CSMD1: variants seen among roughly 807,000 people sequenced by gnomAD.
CSMD1 encodes the protein CUB and Sushi multiple domains 1, also known as CUB and sushi domain-containing protein 1.
Under a neutral mutation model 417.5 loss-of-function variants are expected in CSMD1, and 213 were observed. The ratio of observed to expected loss-of-function variants is 0.51; its 90% CI spans 0.46 to 0.57. The LOEUF is 0.57. Among genes scored for constraint, CSMD1 ranks in the 20% least tolerant of loss-of-function variants. The pLI is 0.00. For synonymous variants in CSMD1, 2,862 were observed against 1,736.8 expected (o/e 1.65, Z -16.11); for missense variants, 6,923 against 4,529.7 (o/e 1.53, Z -15.17).
At chr8:4,603,119 C>T (rs1008240845) in intron 2 of CSMD1, among the ~76,000 whole-genome samples, 8 of 151,766 alleles carry the variant, frequency 5.3e-5, no homozygotes, top group East Asian at 1.9e-4. Flanking sequence ...ATAGTTTTGG[C>T]TTGAATTTTT....
intron 4 of CSMD1, among the ~76,000 whole-genome samples, chr8:4,001,360 G>A (rs533269947): frequency 3.3e-5 from 5 of 152,150 alleles, no homozygotes; most frequent in Non-Finnish European, 7.4e-5. Context: ...GCAGCCATTA[G>A]CCCCCTGGTT....
At chr8:3,434,048 C>G (rs1273953732) in intron 12 of CSMD1, among the ~76,000 whole-genome samples, 1 of 152,250 alleles carries the variant, frequency 6.6e-6, no homozygotes, top group Admixed American at 6.5e-5. Context: ...CGCATCATTC[C>G]TGGCATTCTT....
chr8:3,805,192 A>G (rs1367027376), intron 5 of CSMD1, among the ~76,000 whole-genome samples: 1 of 152,168 alleles, frequency 6.6e-6, no homozygotes, highest in Non-Finnish European at 1.5e-5. Flanking sequence ...CAGGACTACA[A>G]CATGACAAGG....
rs1798825489 is a variant in CSMD1, at chr8:4,446,755, CTGT to C, written c.303-26693_303-26691del. Among the ~76,000 whole-genome samples the C allele has an allele frequency of 7.5e-5, 10 of 133,020 alleles. No individual in the cohort carries two copies. The South Asian group carries it at 1.5e-3, about 20-fold the overall frequency. 87.3% of individuals were successfully genotyped at this position (133,020 alleles called of 152,430 possible). A position where few individuals can be genotyped will look rare whatever the true frequency, so the allele number is the denominator to read the frequency against. ...TGTCTGTGTGTGTGTGTGTGTGTGT[CTGT>C]GTGTGTGTGTGTGTGTGTGTGTGTG... On this transcript the variant is annotated intron_variant, in intron 2 of 69. Coordinates refer to ENST00000635120, the MANE Select transcript of CSMD1 (RefSeq NM_033225.6).
chr8:4,049,180 A>G (rs1299706394), intron 3 of CSMD1, among the ~76,000 whole-genome samples: 1 of 152,044 alleles, frequency 6.6e-6, no homozygotes, highest in African/African-American at 2.4e-5. Context: ...CAAAGAGTCT[A>G]TCTTAGGTGT....
chr8:3,187,890 G>T lies in CSMD1; in HGVS notation c.5599C>A (p.Pro1867Thr). Residue 1867 changes from proline (P) to threonine (T), a missense_variant, in exon 36 of 70, where the codon CCC (proline) becomes ACC (threonine). Physicochemically the swap from Pro to Thr is conservative, Grantham distance 38 (BLOSUM62 -1). Coordinates refer to ENST00000635120, the MANE Select transcript of CSMD1 (RefSeq NM_033225.6). ...TTACCTGAGAAGCTTCCCAGTCTGG[G>T]TGCGGTCACATCCCCACCATCGTGG... ...EIHDGGDVTA[P>T]RLGSFSGTTV... 6.2e-7 allele frequency: 1 copy of T among 1,612,906 alleles called. No homozygotes were observed. The highest frequency in any genetic ancestry group is 2.2e-5 in the East Asian group (1 of 44,860).
rs1208078440 is a variant in CSMD1 at position 3,914,395 on chromosome 8, A to ACCTT, written c.818+83507_818+83508insAAGG. 8.1e-4 allele frequency among the ~76,000 whole-genome samples: 123 copies of ACCTT among 152,166 alleles called. 1 individual carries two copies. Among genetic ancestry groups the ACCTT allele is most frequent in the South Asian group, 6.2e-4 (3 of 4,818 alleles). On this transcript the variant is annotated intron_variant, in intron 5 of 69. Transcript: ENST00000635120. ...TGTAAAAACATACGGGTACAGATAA[A>ACCTT]GATGTTTGGTGCAAGAAAGGAGAGA...
At chr8:4,098,561 G>T (rs1585309595) in intron 3 of CSMD1, among the ~76,000 whole-genome samples, 1 of 152,070 alleles carries the variant, frequency 6.6e-6, no homozygotes, top group Non-Finnish European at 1.5e-5. Flanking sequence ...TCAGTCAGTG[G>T]ATTCGGCCTG....
chr8:3,377,655 T>C (rs541068166), intron 18 of CSMD1, among the ~76,000 whole-genome samples: 1 of 152,174 alleles, frequency 6.6e-6, no homozygotes, highest in Non-Finnish European at 1.5e-5. Flanking sequence ...CAGGAATTCT[T>C]ACTGTACCGC....
chr8:3,382,698 C>T (rs1401239905), intron 18 of CSMD1, among the ~76,000 whole-genome samples: 1 of 149,936 alleles, frequency 6.7e-6, no homozygotes, highest in Non-Finnish European at 1.5e-5. Context: ...GATCTGTTGG[C>T]TTATTAGTGT....
chr8:3,578,288 G>T (rs144912025), intron 9 of CSMD1, among the ~76,000 whole-genome samples: 1 of 149,204 alleles, frequency 6.7e-6, no homozygotes, highest in African/African-American at 2.4e-5. Context: ...GCTGAGCTTT[G>T]TACTGAGTAG....
At chr8:3,473,806 T>G (rs929966320) in intron 11 of CSMD1, among the ~76,000 whole-genome samples, 2 of 152,156 alleles carry the variant, frequency 1.3e-5, no homozygotes, top group Admixed American at 1.3e-4. Context: ...ACCTAGAGAC[T>G]GGGTAATTTA....
At chr8:4,923,115 T>G (rs1806606778) in intron 1 of CSMD1, among the ~76,000 whole-genome samples, 2 of 152,222 alleles carry the variant, frequency 1.3e-5, no homozygotes. Context: ...TCAATTATAC[T>G]AGCATGGAAT....
At chr8:4,658,187 G>C (rs966046060) in intron 1 of CSMD1, among the ~76,000 whole-genome samples, 27 of 151,536 alleles carry the variant, frequency 1.8e-4, no homozygotes, top group African/African-American at 6.6e-4. Context: ...AATAATGTTT[G>C]AATAAATGAC....
chr8:4,419,257 A>G (rs1797116856), intron 3 of CSMD1, among the ~76,000 whole-genome samples: 1 of 152,202 alleles, frequency 6.6e-6, no homozygotes, highest in Non-Finnish European at 1.5e-5. Context: ...AAGGCAATTT[A>G]AAATCTCCAT....
intron 12 of CSMD1, among the ~76,000 whole-genome samples, chr8:3,454,894 T>C (rs1172407574): frequency 6.6e-6 from 1 of 152,226 alleles, no homozygotes; most frequent in African/African-American, 2.4e-5. Flanking sequence ...CTGGATAACA[T>C]CCTGCAGAGT....
At chr8:3,411,674 A>T (rs62505568) in intron 12 of CSMD1, among the ~76,000 whole-genome samples, 3 of 133,346 alleles carry the variant, frequency 2.2e-5, no homozygotes, top group Non-Finnish European at 4.8e-5. Context: ...ATATACGTGT[A>T]TATATACGTG....
intron 1 of CSMD1, among the ~76,000 whole-genome samples, chr8:4,669,119 T>C (rs1805130540): frequency 6.6e-6 from 1 of 152,212 alleles, no homozygotes; most frequent in Non-Finnish European, 1.5e-5. Flanking sequence ...AAAATCTGCA[T>C]TTGGCATGTG....
At chr8:4,572,579 G>C (rs2616970) in intron 2 of CSMD1, among the ~76,000 whole-genome samples, 3 of 151,734 alleles carry the variant, frequency 2.0e-5, no homozygotes, top group African/African-American at 7.3e-5. Flanking sequence ...CTTGGTGAAT[G>C]CGATGATTAT....
Sources: allele counts gnomAD v4.1 joint callset (sites outside exome capture counted in the v4.1 genomes callset), GRCh38; gene constraint gnomAD v4.1.1; transcripts MANE v1.5; gene names NCBI Gene and HGNC (gene_info 2026-07-23, HGNC 2026-07-21).